The following NIPA2 variants were observed in gnomAD, a reference collection of about 807,000 sequenced individuals.
NIPA2 encodes NIPA magnesium transporter 2.
In NIPA2, 11 loss-of-function variants were observed where a neutral mutation model predicts 29.7. The ratio of observed to expected loss-of-function variants is 0.37; its 90% CI spans 0.23 to 0.61. NIPA2 has a LOEUF of 0.61. NIPA2 is among the 20% of genes least tolerant of loss of function. The pLI is 0.66. For synonymous variants in NIPA2, 183 were observed against 161.9 expected (o/e 1.13, Z -0.99); for missense variants, 426 against 437.9 (o/e 0.97, Z 0.24).
rs2059065370 is a variant in NIPA2 at position 22,866,259 on chromosome 15, A to AATC, written c.496_498dup (p.Ile166dup). The AATC allele has an allele frequency of 6.2e-7, 1 of 1,613,778 alleles. No individual in the cohort carries two copies. The highest frequency in any genetic ancestry group is 1.3e-5 in the African/African-American group (1 of 74,864). On this transcript the variant is annotated inframe_insertion, in exon 8 of 8. Coordinates refer to ENST00000337451, the MANE Select transcript of NIPA2 (RefSeq NM_030922.7). Reference sequence around the variant, plus strand: ...TTGTGGTCATTGTGGCCTTGATATTAATCTTCGTGGTGGGTCCTCGCCATG... The same window carrying AATC: ...TTGTGGTCATTGTGGCCTTGATATTAATCATCTTCGTGGTGGGTCCTCGCCATG...
Position 22,851,846 on chromosome 15 carries a change from G to GCC in NIPA2, c.116_117dup (p.Arg40ProfsTer6). The GCC allele has an allele frequency of 6.2e-7, 1 of 1,613,544 alleles. No homozygotes were observed. Among genetic ancestry groups the GCC allele is most frequent in the Non-Finnish European group, 8.5e-7 (1 of 1,179,734 alleles). On this transcript the variant is annotated frameshift_variant, in exon 4 of 8. Coordinates refer to ENST00000337451, the MANE Select transcript of NIPA2 (RefSeq NM_030922.7). LOFTEE classifies it high-confidence loss of function. ...GAAAAAAAAGGGCCTCCTTCGACTT[G>GCC]CCAGGAAAGGCTCTATGAGAGCAGG...
At chr15:22,850,209 A>T (rs1336564022) in intron 3 of NIPA2, among the ~76,000 whole-genome samples, 1 of 152,094 alleles carries the variant, frequency 6.6e-6, no homozygotes, top group Non-Finnish European at 1.5e-5. Context: ...TCATGCTCAC[A>T]GTTCTGTGAG....
intron 6 of NIPA2, among the ~76,000 whole-genome samples, chr15:22,859,309 T>TTTTTTG (rs2058446191): frequency 7.6e-6 from 1 of 132,276 alleles, no homozygotes; most frequent in Admixed American, 8.4e-5. Flanking sequence ...TTTTTTTTTT[T>TTTTTTG]TGAGGCGGAG....
intron 2 of NIPA2, among the ~76,000 whole-genome samples, chr15:22,841,320 G>A (rs553343798): frequency 2.6e-5 from 4 of 152,256 alleles, no homozygotes; most frequent in Admixed American, 1.3e-4. Context: ...CTAGATTAGA[G>A]CATCCTTAAA....
At chr15:22,848,383 G>A (rs1313038985) in intron 3 of NIPA2, among the ~76,000 whole-genome samples, 1 of 151,982 alleles carries the variant, frequency 6.6e-6, no homozygotes, top group African/African-American at 2.4e-5. Context: ...AGTTTTCTGT[G>A]TATTAATGGC....
chr15:22,854,105 G>C (rs945652380), intron 5 of NIPA2, among the ~76,000 whole-genome samples: 1 of 152,010 alleles, frequency 6.6e-6, no homozygotes, highest in Non-Finnish European at 1.5e-5. Flanking sequence ...GATTACAGGC[G>C]TGAGCCACCA....
intron 5 of NIPA2, among the ~76,000 whole-genome samples, chr15:22,856,147 C>T (rs971754950): frequency 6.6e-6 from 1 of 152,100 alleles, no homozygotes; most frequent in South Asian, 2.1e-4. Context: ...ACCTACTTGC[C>T]AGTCCTGTGA....
chr15:22,845,473 A>C (rs187038354), intron 3 of NIPA2, among the ~76,000 whole-genome samples: 9 of 152,352 alleles, frequency 5.9e-5, no homozygotes, highest in African/African-American at 2.2e-4. Context: ...TTGCTACCGT[A>C]AATGAGTGCC....
rs533769690 is a variant in NIPA2, at chr15:22,847,202, G to A, written c.-94+1935G>A. On this transcript the variant is annotated intron_variant, in intron 3 of 7. Transcript: ENST00000337451. ...ATTACAGGCCTGAGCCACCGCGCCC[G>A]GCCTTGTGAGTCTATTGTTATACTG... is the stretch of plus-strand genomic sequence containing the variant. Among the ~76,000 whole-genome samples the A allele has an allele frequency of 2.8e-4, 43 of 151,998 alleles. 2 individuals carry two copies. In the South Asian group the frequency reaches 6.0e-3, roughly 21 times the overall value.
intron 7 of NIPA2, among the ~76,000 whole-genome samples, chr15:22,864,583 AC>A (rs2058849669): frequency 6.6e-6 from 1 of 152,046 alleles, no homozygotes. Flanking sequence ...GGCATGGTTG[AC>A]CTCAGCTTCC....
In NIPA2 at chr15:22,851,856, G is replaced by T; in HGVS notation, c.125G>T (p.Gly42Val). ...KKGLLRLARK[G>V]SMRAGQGGHA... ...GGCCTCCTTCGACTTGCCAGGAAAG[G>T]CTCTATGAGAGCAGGTAGGTTATGC... The change falls in exon 4 of 8, where the codon GGC (glycine) becomes GTC (valine). Residue 42 changes from glycine (G) to valine (V), a missense_variant. Transcript: ENST00000337451. 1.2e-6 allele frequency: 2 copies of T among 1,613,428 alleles called. No homozygotes were observed. The highest frequency in any genetic ancestry group is 1.7e-6 in the Non-Finnish European group (2 of 1,179,740).
intron 2 of NIPA2, among the ~76,000 whole-genome samples, chr15:22,840,291 T>G (rs75402788): frequency 4.4e-5 from 5 of 114,526 alleles, no homozygotes; most frequent in African/African-American, 1.7e-4. Flanking sequence ...CTATATATAG[T>G]TTTTTTTTTT....
chr15:22,843,617 G>A (rs537465326), intron 2 of NIPA2, among the ~76,000 whole-genome samples: 5 of 151,340 alleles, frequency 3.3e-5, no homozygotes, highest in South Asian at 2.1e-4. Flanking sequence ...GTTTAAGGCT[G>A]TCTATGCACT....
intron 4 of NIPA2, 138 bp downstream of exon 4, chr15:22,852,008 A>G (rs183254927): frequency 5.4e-6 from 4 of 744,362 alleles, no homozygotes; most frequent in African/African-American, 1.8e-5. Context: ...AATGTTTACA[A>G]AGTTGATGTT....
chr15:22,849,234 C>T (rs895791263), intron 3 of NIPA2, among the ~76,000 whole-genome samples: 1 of 152,170 alleles, frequency 6.6e-6, no homozygotes, highest in African/African-American at 2.4e-5. Flanking sequence ...CTTGAGATGA[C>T]CAGTATTTGG....
At position 22,866,609 on chromosome 15, in the gene NIPA2, CTT is replaced by C; in HGVS notation, c.847_848del (p.Leu283GlufsTer17). 2 of 1,614,066 alleles carry C rather than the reference CTT, an allele frequency of 1.2e-6. No homozygotes were observed. The highest frequency in any genetic ancestry group is 1.7e-6 in the Non-Finnish European group (2 of 1,180,004). On this transcript the variant is annotated frameshift_variant, in exon 8 of 8. Coordinates refer to ENST00000337451, the MANE Select transcript of NIPA2 (RefSeq NM_030922.7). LOFTEE classifies it high-confidence loss of function. ...ATGCCTGTTGACGATGTCATTGGTA[CTT>C]TGAGTGGCTTCTTTACAATCATTGT...
At chr15:22,842,880 G>C (rs914178176) in intron 2 of NIPA2, among the ~76,000 whole-genome samples, 14 of 151,642 alleles carry the variant, frequency 9.2e-5, no homozygotes, top group Admixed American at 8.5e-4. Context: ...GTGGGCGCCT[G>C]TAGTCCCAGC....
At chr15:22,852,006 C>G (rs2057779447) in intron 4 of NIPA2, 136 bp downstream of exon 4, 1 of 747,856 alleles carries the variant, frequency 1.3e-6, no homozygotes, top group Non-Finnish European at 2.1e-6. Context: ...TAAATGTTTA[C>G]AAAGTTGATG....
chr15:22,848,279 C>T (rs1426894325), intron 3 of NIPA2, among the ~76,000 whole-genome samples: 1 of 152,064 alleles, frequency 6.6e-6, no homozygotes, highest in Non-Finnish European at 1.5e-5. Flanking sequence ...AGTACTGCCA[C>T]TTGCTAGCAT....
Sources: allele counts gnomAD v4.1 joint callset (sites outside exome capture counted in the v4.1 genomes callset), GRCh38; gene constraint gnomAD v4.1.1; transcripts MANE v1.5; gene names NCBI Gene and HGNC (gene_info 2026-07-23, HGNC 2026-07-21).